Variants in PYGB observed in about 807,000 individuals in gnomAD.
PYGB encodes the protein glycogen phosphorylase, brain form.
PYGB carries 82 observed loss-of-function variants against 94.3 expected under a neutral mutation model. The observed-to-expected ratio is 0.87, with a 90% CI of 0.73 to 1.04. The LOEUF is 1.04. Ranked by LOEUF, PYGB falls within the 50% of genes least tolerant of loss-of-function variation. PYGB has a pLI of 0.00. For synonymous variants in PYGB, 488 were observed against 479.1 expected (o/e 1.02, Z -0.24); for missense variants, 1,132 against 1,158.2 (o/e 0.98, Z 0.33).
intron 18 of PYGB, chr20:25,294,725 A>C (rs1399676351): frequency 1.6e-6 from 1 of 619,012 alleles, no homozygotes; most frequent in Non-Finnish European, 2.9e-6. Context: ...GTGAAAATGG[A>C]TTTCACTTGC....
At chr20:25,270,197 T>TG (rs11480235) in intron 3 of PYGB, among the ~76,000 whole-genome samples, 70,539 of 130,876 alleles carry the variant, frequency 0.54, 18,636 homozygotes, top group East Asian at 0.98. Context: ...GTTTTTTTTG[T>TG]TTTGTTTTGT....
At chr20:25,267,877 C>T (rs1171366496) in intron 2 of PYGB, among the ~76,000 whole-genome samples, 1 of 152,052 alleles carries the variant, frequency 6.6e-6, no homozygotes, top group East Asian at 1.9e-4. Context: ...TGACATTTGC[C>T]CTCCTAGGTA....
intron 6 of PYGB, 25 bp downstream of exon 6, chr20:25,276,782 C>T (rs1266547592): frequency 1.9e-6 from 3 of 1,599,954 alleles, no homozygotes; most frequent in South Asian, 1.1e-5. Flanking sequence ...TCTTGGCACC[C>T]TTGTGTCCAT....
chr20:25,287,304 G>A (rs1409435174), intron 14 of PYGB, among the ~76,000 whole-genome samples: 1 of 152,214 alleles, frequency 6.6e-6, no homozygotes, highest in African/African-American at 2.4e-5. Flanking sequence ...ACAGCCACAA[G>A]GCTGAGGTTG....
At chr20:25,261,169 G>A (rs186048849) in intron 2 of PYGB, among the ~76,000 whole-genome samples, 40 of 152,366 alleles carry the variant, frequency 2.6e-4, no homozygotes, top group Non-Finnish European at 3.8e-4. Flanking sequence ...AGAATGGACA[G>A]ACTGCTTCCA....
chr20:25,292,886 C>T (rs1389064132), intron 17 of PYGB, among the ~76,000 whole-genome samples: 7 of 151,864 alleles, frequency 4.6e-5, no homozygotes, highest in Admixed American at 3.9e-4. Flanking sequence ...ACCAGGGGCT[C>T]CTCCTCCAGG....
chr20:25,263,606 C>T (rs1056059711), intron 2 of PYGB, among the ~76,000 whole-genome samples: 1 of 152,172 alleles, frequency 6.6e-6, no homozygotes, highest in Non-Finnish European at 1.5e-5. Context: ...GATGTCACCA[C>T]TGATGCCACA....
intron 2 of PYGB, among the ~76,000 whole-genome samples, chr20:25,259,738 C>G (rs1275360721): frequency 6.6e-6 from 1 of 152,172 alleles, no homozygotes; most frequent in East Asian, 1.9e-4. Context: ...GGAGCTCACC[C>G]TAGTTGTCTA....
intron 4 of PYGB, 101 bp downstream of exon 4, chr20:25,271,587 AG>A: frequency 1.6e-6 from 2 of 1,274,330 alleles, no homozygotes; most frequent in Non-Finnish European, 2.3e-6. Flanking sequence ...CGCCCCCGCC[AG>A]GGGACTGCAG....
intron 3 of PYGB, among the ~76,000 whole-genome samples, chr20:25,270,562 A>G (rs898987982): frequency 2.0e-5 from 3 of 152,038 alleles, no homozygotes; most frequent in Non-Finnish European, 2.9e-5. Context: ...CACTGGCACA[A>G]TCTTGGCTCA....
At chr20:25,249,296 T>C (rs1254797305) in intron 1 of PYGB, among the ~76,000 whole-genome samples, 1 of 152,256 alleles carries the variant, frequency 6.6e-6, no homozygotes. Context: ...TAAACAGCTT[T>C]GCAGGTCAAT....
intron 16 of PYGB, among the ~76,000 whole-genome samples, chr20:25,291,221 C>G (rs2088464713): frequency 6.6e-6 from 1 of 152,220 alleles, no homozygotes; most frequent in Non-Finnish European, 1.5e-5. Flanking sequence ...TGAGGGCAGC[C>G]TGGGCCAGTC....
chr20:25,262,821 C>A (rs2092916648), intron 2 of PYGB, among the ~76,000 whole-genome samples: 1 of 152,078 alleles, frequency 6.6e-6, no homozygotes, highest in Admixed American at 6.5e-5. Context: ...CAATCCTAGT[C>A]TCTGATAAAA....
chr20:25,290,520 T>C lies in PYGB; in HGVS notation c.1867T>C (p.Leu623=), dbSNP rs1293405899. 2 of 1,611,378 alleles carry C rather than the reference T, an allele frequency of 1.2e-6. No individual in the cohort carries two copies. The highest frequency in any genetic ancestry group is 3.3e-5 in the Admixed American group (2 of 59,976). ...GYHMAKLIIK[L]VTSIGDVVNH... is the part of the protein sequence containing the mutation. ...CCACATGGCCAAGCTGATCATCAAG[T>C]TGGTCACCTCCATCGGCGACGTCGT... is the stretch of plus-strand genomic sequence containing the variant. The change falls in exon 16 of 20, where the codon TTG becomes CTG. Residue 623 remains leucine, a synonymous_variant. Transcript: ENST00000216962.
intron 9 of PYGB, among the ~76,000 whole-genome samples, chr20:25,279,509 TA>T (rs1044804509): frequency 6.6e-6 from 1 of 152,128 alleles, no homozygotes; most frequent in Non-Finnish European, 1.5e-5. Context: ...ATTTTGGACT[TA>T]AATATGTTTG....
intron 2 of PYGB, among the ~76,000 whole-genome samples, chr20:25,264,291 C>A (rs2092919709): frequency 6.6e-6 from 1 of 152,164 alleles, no homozygotes; most frequent in African/African-American, 2.4e-5. Flanking sequence ...ATAATAAGAG[C>A]TATTTATGAC....
chr20:25,290,205 CTT>C (rs1048121933), intron 15 of PYGB, among the ~76,000 whole-genome samples: 1 of 152,248 alleles, frequency 6.6e-6, no homozygotes, highest in Admixed American at 6.5e-5. Flanking sequence ...ATCCTGGTCT[CTT>C]TTACCTTGTA....
chr20:25,274,265 C>T (rs770607385), intron 4 of PYGB, among the ~76,000 whole-genome samples: 2 of 152,202 alleles, frequency 1.3e-5, no homozygotes, highest in Non-Finnish European at 2.9e-5. Flanking sequence ...TCGTGTGATG[C>T]GTGGTATTTT....
intron 2 of PYGB, among the ~76,000 whole-genome samples, chr20:25,265,314 G>T (rs2474765): frequency 0.57 from 86,827 of 151,990 alleles, 26,415 homozygotes; most frequent in East Asian, 0.98. Context: ...CAAAATGTTT[G>T]CCACAGCAGT....
Sources: allele counts gnomAD v4.1 joint callset (sites outside exome capture counted in the v4.1 genomes callset), GRCh38; gene constraint gnomAD v4.1.1; transcripts MANE v1.5; gene names NCBI Gene and HGNC (gene_info 2026-07-23, HGNC 2026-07-21).